The following PRICKLE1 variants were observed in gnomAD, a reference collection of about 807,000 sequenced individuals.
The protein encoded by PRICKLE1 is prickle-like protein 1.
In PRICKLE1, 14 loss-of-function variants were observed where a neutral mutation model predicts 70.2. The ratio of observed to expected loss-of-function variants is 0.20; its 90% CI spans 0.13 to 0.31. The LOEUF is 0.31. Among genes scored for constraint, PRICKLE1 ranks in the 10% least tolerant of loss-of-function variants. The pLI is 1.00. For synonymous variants in PRICKLE1, 357 were observed against 379.9 expected (o/e 0.94, Z 0.70); for missense variants, 821 against 1,026.2 (o/e 0.80, Z 2.73).
intron 1 of PRICKLE1, among the ~76,000 whole-genome samples, chr12:42,555,545 A>G (rs1240977709): frequency 6.6e-6 from 1 of 152,208 alleles, no homozygotes; most frequent in East Asian, 1.9e-4. Context: ...TTACATACCC[A>G]TAATTAGCTT....
chr12:42,460,715 G>C (rs764151052), intron 7 of PRICKLE1, 50 bp from the exon 8 acceptor site: 3 of 1,590,938 alleles, frequency 1.9e-6, no homozygotes, highest in East Asian at 4.5e-5. Context: ...CCTAATATTC[G>C]ACAGTACTTA....
Position 42,460,336 on chromosome 12 carries a change from G to A in PRICKLE1, c.1969C>T (p.Arg657Trp). The change falls in exon 8 of 8, where the codon CGG (arginine) becomes TGG (tryptophan). Residue 657 changes from arginine (R) to tryptophan (W), a missense_variant. Transcript: ENST00000345127. ...TCTTCAAAATTGTAGACGCGTCTCC[G>A]AGTCCTTTCACTCATCGGAGGCTGC... is the stretch of plus-strand genomic sequence containing the variant. ...IRQPPMSERT[R>W]RRVYNFEERG... 6.2e-7 allele frequency: 1 copy of A among 1,614,078 alleles called. No individual in the cohort carries two copies. The highest frequency in any genetic ancestry group is 1.1e-5 in the South Asian group (1 of 91,062).
At chr12:42,498,718 A>G (rs1391773773) in intron 1 of PRICKLE1, among the ~76,000 whole-genome samples, 1 of 152,206 alleles carries the variant, frequency 6.6e-6, no homozygotes, top group Non-Finnish European at 1.5e-5. Context: ...TCCAGTCCCT[A>G]CTGATCCTCT....
At chr12:42,493,954 T>G (rs534816986) in intron 1 of PRICKLE1, among the ~76,000 whole-genome samples, 1 of 152,256 alleles carries the variant, frequency 6.6e-6, no homozygotes, top group South Asian at 2.1e-4. Flanking sequence ...TCAGAGATAT[T>G]GTGAGTTCAC....
intron 1 of PRICKLE1, among the ~76,000 whole-genome samples, chr12:42,516,386 C>A (rs1412752160): frequency 6.6e-6 from 1 of 152,098 alleles, no homozygotes; most frequent in Non-Finnish European, 1.5e-5. Context: ...CCTGCCTCGG[C>A]CTCCCAAAGT....
intron 1 of PRICKLE1, among the ~76,000 whole-genome samples, chr12:42,532,534 T>A (rs2924131): frequency 0.3 from 46,309 of 152,134 alleles, 8,328 homozygotes; most frequent in African/African-American, 0.51. Context: ...TTAGCTCAAC[T>A]TATTTGAAAT....
intron 1 of PRICKLE1, among the ~76,000 whole-genome samples, chr12:42,478,729 T>C (rs80167333): frequency 6.7e-6 from 1 of 150,364 alleles, no homozygotes; most frequent in African/African-American, 2.4e-5. Flanking sequence ...GGATACTCTT[T>C]TTTTTTTTTT....
At chr12:42,521,615 C>A (rs751281039) in intron 1 of PRICKLE1, among the ~76,000 whole-genome samples, 1 of 151,778 alleles carries the variant, frequency 6.6e-6, no homozygotes, top group African/African-American at 2.4e-5. Context: ...TCGGGGGGAT[C>A]GCTTAAGCCT....
At chr12:42,500,664 CTT>C (rs11448078) in intron 1 of PRICKLE1, among the ~76,000 whole-genome samples, 3 of 142,798 alleles carry the variant, frequency 2.1e-5, no homozygotes, top group Non-Finnish European at 1.5e-5. Context: ...CATTAATTTT[CTT>C]TTTTTTTTTT....
intron 1 of PRICKLE1, among the ~76,000 whole-genome samples, chr12:42,539,398 G>A (rs1940069063): frequency 6.6e-6 from 1 of 151,676 alleles, no homozygotes; most frequent in Non-Finnish European, 1.5e-5. Flanking sequence ...AACCTGGGAG[G>A]CAGAGCTTGC....
intron 1 of PRICKLE1, among the ~76,000 whole-genome samples, chr12:42,548,748 T>C (rs569804391): frequency 2.0e-5 from 3 of 152,300 alleles, no homozygotes; most frequent in Admixed American, 1.3e-4. Flanking sequence ...TGTGCTATCC[T>C]GTCCATCCCT....
At chr12:42,536,303 G>A (rs897910076) in intron 1 of PRICKLE1, among the ~76,000 whole-genome samples, 8 of 152,134 alleles carry the variant, frequency 5.3e-5, no homozygotes, top group African/African-American at 1.9e-4. Context: ...AGAATGTAAG[G>A]AGGGACACCA....
At chr12:42,519,698 G>A (rs1458119923) in intron 1 of PRICKLE1, among the ~76,000 whole-genome samples, 2 of 152,220 alleles carry the variant, frequency 1.3e-5, no homozygotes, top group African/African-American at 4.8e-5. Context: ...CATAATTCTA[G>A]ACCAGTGATG....
chr12:42,552,638 G>A (rs891348698), intron 1 of PRICKLE1, among the ~76,000 whole-genome samples: 1 of 152,178 alleles, frequency 6.6e-6, no homozygotes, highest in Non-Finnish European at 1.5e-5. Context: ...CTTTCCAGAG[G>A]GACTTGAGGG....
At chr12:42,471,823 T>C in intron 2 of PRICKLE1, among the ~76,000 whole-genome samples, 1 of 152,194 alleles carries the variant, frequency 6.6e-6, no homozygotes. Flanking sequence ...AAAATAACAA[T>C]ACAAACAAAG....
rs537954580 is a variant in PRICKLE1 at position 42,526,220 on chromosome 12, T to C, written c.-48-53656A>G. On this transcript the variant is annotated intron_variant, in intron 1 of 7. Coordinates refer to ENST00000345127, the MANE Select transcript of PRICKLE1 (RefSeq NM_153026.3). ...GTATTTCTTGGCACTTTTCTAGACC[T>C]TAGAGTAACAAAAATCTTTTTTCTT... Among the ~76,000 whole-genome samples the C allele has an allele frequency of 1.2e-3, 178 of 149,426 alleles. 1 individual carries two copies. The highest frequency in any genetic ancestry group is 4.0e-3 in the African/African-American group (162 of 40,896).
intron 1 of PRICKLE1, among the ~76,000 whole-genome samples, chr12:42,526,593 G>A (rs1939803388): frequency 6.6e-6 from 1 of 152,040 alleles, no homozygotes; most frequent in African/African-American, 2.4e-5. Flanking sequence ...ATTGGATAGA[G>A]AGTCCTGGAG....
At chr12:42,462,209 T>C (rs1404952764) in intron 7 of PRICKLE1, among the ~76,000 whole-genome samples, 2 of 150,946 alleles carry the variant, frequency 1.3e-5, no homozygotes, top group Non-Finnish European at 1.5e-5. Flanking sequence ...TTCTTTTATT[T>C]ATTTTTTTTG....
intron 1 of PRICKLE1, among the ~76,000 whole-genome samples, chr12:42,579,897 G>A (rs1262861771): frequency 6.6e-6 from 1 of 151,276 alleles, no homozygotes; most frequent in African/African-American, 2.4e-5. Flanking sequence ...TTTGAGATAG[G>A]TTTTGCTCTT....
Sources: allele counts gnomAD v4.1 joint callset (sites outside exome capture counted in the v4.1 genomes callset), GRCh38; gene constraint gnomAD v4.1.1; transcripts MANE v1.5; gene names NCBI Gene and HGNC (gene_info 2026-07-23, HGNC 2026-07-21).